CTNNA3: variants seen among roughly 807,000 people sequenced by gnomAD.
CTNNA3 encodes catenin alpha-3.
A neutral mutation model predicts 95.7 loss-of-function variants in CTNNA3; 76 were observed. That is an observed-to-expected ratio of 0.79 (90% CI 0.66 to 0.96). The LOEUF is 0.96. Among genes scored for constraint, CTNNA3 ranks in the 40% least tolerant of loss-of-function variants. CTNNA3 has a pLI of 0.00. For synonymous variants in CTNNA3, 431 were observed against 374.4 expected (o/e 1.15, Z -1.74); for missense variants, 1,191 against 1,089.8 (o/e 1.09, Z -1.31).
At chr10:66,553,601 C>G (rs1428460105) in intron 10 of CTNNA3, among the ~76,000 whole-genome samples, 1 of 126,256 alleles carries the variant, frequency 7.9e-6, no homozygotes, top group African/African-American at 3.0e-5. Flanking sequence ...CATCTTGGCT[C>G]ACTGCAACCT....
At chr10:66,157,162 C>T (rs1012673049) in intron 13 of CTNNA3, among the ~76,000 whole-genome samples, 2 of 151,928 alleles carry the variant, frequency 1.3e-5, no homozygotes, top group East Asian at 3.9e-4. Flanking sequence ...ATACGCTGCA[C>T]CTTATTTGTA....
chr10:66,244,365 T>A (rs2090224228), intron 13 of CTNNA3, among the ~76,000 whole-genome samples: 1 of 152,194 alleles, frequency 6.6e-6, no homozygotes, highest in South Asian at 2.1e-4. Flanking sequence ...CCTTTGCCAC[T>A]GGCTGACTGT....
chr10:66,210,072 C>G (rs187910124), intron 13 of CTNNA3, among the ~76,000 whole-genome samples: 64 of 151,978 alleles, frequency 4.2e-4, no homozygotes, highest in Admixed American at 2.6e-3. Flanking sequence ...GAAAATGCAT[C>G]GAACACACAT....
chr10:67,170,472 G>A (rs1861970799), intron 7 of CTNNA3, among the ~76,000 whole-genome samples: 1 of 152,158 alleles, frequency 6.6e-6, no homozygotes, highest in Admixed American at 6.5e-5. Context: ...TTGTGGGAAC[G>A]TGGATGGAGC....
intron 1 of CTNNA3, among the ~76,000 whole-genome samples, chr10:67,727,383 GTAT>G (rs1316744579): frequency 7.8e-6 from 1 of 127,470 alleles, no homozygotes; most frequent in Non-Finnish European, 1.6e-5. Flanking sequence ...TGTATGTTAC[GTAT>G]TATAATTATA....
At chr10:67,221,016 G>C (rs558249126) in intron 5 of CTNNA3, among the ~76,000 whole-genome samples, 1 of 152,284 alleles carries the variant, frequency 6.6e-6, no homozygotes, top group South Asian at 2.1e-4. Context: ...GAAAACAGGA[G>C]ATGGACTGAC....
At chr10:67,105,315 T>C (rs564145383) in intron 7 of CTNNA3, among the ~76,000 whole-genome samples, 1 of 152,182 alleles carries the variant, frequency 6.6e-6, no homozygotes, top group Non-Finnish European at 1.5e-5. Flanking sequence ...CCAAGAACTA[T>C]TTCTATTATT....
At chr10:66,555,995 C>A (rs1470154996) in intron 10 of CTNNA3, among the ~76,000 whole-genome samples, 1 of 151,854 alleles carries the variant, frequency 6.6e-6, no homozygotes, top group East Asian at 1.9e-4. Flanking sequence ...CCAAAATATA[C>A]AAGGAATTCA....
chr10:66,096,347 C>A (rs2081384890), intron 14 of CTNNA3, among the ~76,000 whole-genome samples: 2 of 152,016 alleles, frequency 1.3e-5, no homozygotes, highest in Non-Finnish European at 2.9e-5. Context: ...ATATGTTCTT[C>A]TTGGGCAGGG....
chr10:66,752,165 A>ATC (rs1554846121), intron 9 of CTNNA3, among the ~76,000 whole-genome samples: 5 of 152,180 alleles, frequency 3.3e-5, no homozygotes, highest in Non-Finnish European at 5.9e-5. Flanking sequence ...AAGAAAAAGA[A>ATC]AGAGGACTGA....
At chr10:66,998,027 C>T (rs1441992164) in intron 7 of CTNNA3, among the ~76,000 whole-genome samples, 1 of 152,214 alleles carries the variant, frequency 6.6e-6, no homozygotes, top group East Asian at 1.9e-4. Context: ...CCACCAGGCT[C>T]AGTTTCATCC....
At chr10:66,599,017 A>G (rs1401782776) in intron 10 of CTNNA3, among the ~76,000 whole-genome samples, 1 of 147,950 alleles carries the variant, frequency 6.8e-6, no homozygotes, top group Non-Finnish European at 1.5e-5. Flanking sequence ...ATAGTAATCA[A>G]AACAATATGG....
At chr10:67,017,246 T>C (rs961831836) in intron 7 of CTNNA3, among the ~76,000 whole-genome samples, 1 of 152,192 alleles carries the variant, frequency 6.6e-6, no homozygotes, top group Admixed American at 6.6e-5. Context: ...CTAAAAACAT[T>C]ACTGAAATTG....
intron 5 of CTNNA3, among the ~76,000 whole-genome samples, chr10:67,255,665 AG>A (rs1343372301): frequency 1.3e-5 from 2 of 152,312 alleles, no homozygotes; most frequent in East Asian, 3.9e-4. Flanking sequence ...TAAGCAGTGA[AG>A]GTGAGATTTA....
At chr10:67,424,495 A>G (rs951372402) in intron 5 of CTNNA3, among the ~76,000 whole-genome samples, 1 of 152,148 alleles carries the variant, frequency 6.6e-6, no homozygotes, top group East Asian at 1.9e-4. Flanking sequence ...CTTCTTATCA[A>G]TATGGTTTCT....
chr10:66,534,780 TTAAC>T (rs1841594577), intron 10 of CTNNA3, among the ~76,000 whole-genome samples: 1 of 151,246 alleles, frequency 6.6e-6, no homozygotes, highest in Non-Finnish European at 1.5e-5. Context: ...AAAACATAAA[TTAAC>T]TATACGAACT....
intron 9 of CTNNA3, among the ~76,000 whole-genome samples, chr10:66,729,830 C>T (rs1564644411): frequency 2.0e-5 from 3 of 152,186 alleles, no homozygotes; most frequent in South Asian, 2.1e-4. Context: ...ATAGGCCAGG[C>T]GTGGTGGCTC....
chr10:66,997,355 T>C (rs1218789116), intron 7 of CTNNA3, among the ~76,000 whole-genome samples: 1 of 152,220 alleles, frequency 6.6e-6, no homozygotes, highest in East Asian at 1.9e-4. Flanking sequence ...AAATTCTTTC[T>C]TGTTTGTAAA....
intron 15 of CTNNA3, among the ~76,000 whole-genome samples, chr10:66,035,466 G>T (rs987831733): frequency 6.6e-6 from 1 of 150,510 alleles, no homozygotes; most frequent in Non-Finnish European, 1.5e-5. Context: ...CTACATAAAA[G>T]ATTGGGAAGA....
Sources: gnomAD v4.1 joint callset for allele counts (sites outside exome capture counted in the v4.1 genomes callset) on GRCh38, gnomAD v4.1.1 for gene constraint, MANE v1.5 for transcripts, NCBI Gene and HGNC (gene_info 2026-07-23, HGNC 2026-07-21) for gene names.